Variants in UMAD1 observed in about 807,000 individuals in gnomAD.
UMAD1 encodes the protein UBAP1-MVB12-associated (UMA)-domain containing protein 1.
In UMAD1, 8 loss-of-function variants were observed where a neutral mutation model predicts 6.1. That is an observed-to-expected ratio of 1.30 (90% confidence interval 0.76 to 2.35). UMAD1 has a LOEUF of 2.35. Ranked by LOEUF, UMAD1 falls within the 30% of genes most tolerant of loss-of-function variation. UMAD1 has a pLI of 0.00. For missense variants in UMAD1, 130 were observed against 78.4 expected (o/e 1.66, Z -2.49); for synonymous variants, 56 against 31.4 (o/e 1.78, Z -2.61).
chr7:7,669,948 T>C (rs2057930), intron 1 of UMAD1, among the ~76,000 whole-genome samples: 85,693 of 151,932 alleles, frequency 0.56, 24,591 homozygotes, highest in East Asian at 0.8. Flanking sequence ...ATTTGGGATA[T>C]TATAATGTTC....
At chr7:7,721,412 G>T (rs776922478) in intron 2 of UMAD1, among the ~76,000 whole-genome samples, 1 of 152,114 alleles carries the variant, frequency 6.6e-6, no homozygotes, top group Non-Finnish European at 1.5e-5. Flanking sequence ...AAATGTTAAG[G>T]CACCTGCGTG....
intron 3 of UMAD1, among the ~76,000 whole-genome samples, chr7:7,872,197 T>A (rs1172735612): frequency 1.3e-5 from 2 of 152,256 alleles, no homozygotes; most frequent in African/African-American, 4.8e-5. Context: ...TCTACATCAC[T>A]GCAGTAAAGT....
At chr7:7,803,902 G>C (rs1416682604) in intron 3 of UMAD1, among the ~76,000 whole-genome samples, 1 of 152,136 alleles carries the variant, frequency 6.6e-6, no homozygotes, top group Non-Finnish European at 1.5e-5. Flanking sequence ...ACTTAGTTAT[G>C]TGATTCATTG....
At chr7:7,758,878 C>T (rs1220140144) in intron 2 of UMAD1, among the ~76,000 whole-genome samples, 2 of 152,180 alleles carry the variant, frequency 1.3e-5, no homozygotes, top group African/African-American at 4.8e-5. Flanking sequence ...AGAGACAATA[C>T]TGCCACACAA....
intron 3 of UMAD1, among the ~76,000 whole-genome samples, chr7:7,806,576 C>A (rs913081725): frequency 1.3e-5 from 2 of 152,126 alleles, no homozygotes; most frequent in Non-Finnish European, 2.9e-5. Flanking sequence ...TTATTAAATT[C>A]TGTTTTCTAC....
chr7:7,715,147 T>C (rs1780866430), intron 2 of UMAD1: 1 of 152,210 alleles, frequency 6.6e-6, no homozygotes, highest in South Asian at 2.1e-4. Flanking sequence ...ACCTTCAGCA[T>C]AGAAACAGTT....
chr7:7,678,599 A>ATTTATAGATAAATATATATTTATATAC (rs1779816746), intron 2 of UMAD1, among the ~76,000 whole-genome samples: 1 of 134,680 alleles, frequency 7.4e-6, no homozygotes, highest in Non-Finnish European at 1.5e-5. Flanking sequence ...TATATACTTA[A>ATTTATAGATAAATATATATTTATATAC]TTTATAGATA....
chr7:7,733,677 A>G (rs1781296990), intron 2 of UMAD1, among the ~76,000 whole-genome samples: 1 of 150,480 alleles, frequency 6.6e-6, no homozygotes, highest in East Asian at 1.9e-4. Flanking sequence ...ATATTCTCCC[A>G]AAATATTATT....
chr7:7,842,112 AT>A (rs965196535), intron 3 of UMAD1, among the ~76,000 whole-genome samples: 4 of 152,164 alleles, frequency 2.6e-5, no homozygotes, highest in Non-Finnish European at 5.9e-5. Context: ...TAAACCAATC[AT>A]TTTTGATACT....
At chr7:7,777,493 G>A (rs1380396292) in intron 2 of UMAD1, among the ~76,000 whole-genome samples, 2 of 128,002 alleles carry the variant, frequency 1.6e-5, no homozygotes, top group Non-Finnish European at 3.2e-5. Flanking sequence ...GAGACAGTGT[G>A]AGACTCCATC....
At chr7:7,662,470 C>G (rs1785499064) in intron 1 of UMAD1, among the ~76,000 whole-genome samples, 1 of 152,218 alleles carries the variant, frequency 6.6e-6, no homozygotes, top group South Asian at 2.1e-4. Context: ...ATCTCCTGGT[C>G]TGTGGGTTGC....
At chr7:7,673,792 C>T (rs1349888518) in intron 2 of UMAD1, among the ~76,000 whole-genome samples, 1 of 151,748 alleles carries the variant, frequency 6.6e-6, no homozygotes, top group South Asian at 2.1e-4. Context: ...ATAGTACTAA[C>T]CTTGTTTCAT....
At chr7:7,829,873 C>T (rs1036775290) in intron 3 of UMAD1, among the ~76,000 whole-genome samples, 2 of 152,092 alleles carry the variant, frequency 1.3e-5, no homozygotes, top group African/African-American at 2.4e-5. Context: ...CATCTCTTTC[C>T]TCACATTTAA....
intron 2 of UMAD1, among the ~76,000 whole-genome samples, chr7:7,758,442 G>T (rs182248862): frequency 6.5e-4 from 99 of 152,080 alleles, no homozygotes; most frequent in African/African-American, 2.3e-3. Context: ...TAATAATTAA[G>T]CTTTATAAAA....
intron 1 of UMAD1, among the ~76,000 whole-genome samples, chr7:7,650,198 C>T (rs1328185931): frequency 6.6e-6 from 1 of 152,166 alleles, no homozygotes; most frequent in African/African-American, 2.4e-5. Flanking sequence ...TGTAATCCCA[C>T]AATTTACGTT....
chr7:7,645,259 T>A (rs1172170120), intron 1 of UMAD1, among the ~76,000 whole-genome samples: 1 of 152,196 alleles, frequency 6.6e-6, no homozygotes, highest in Non-Finnish European at 1.5e-5. Context: ...CCATTTTGAA[T>A]AGAAATAGTG....
At chr7:7,774,590 G>C (rs140868769) in intron 2 of UMAD1, among the ~76,000 whole-genome samples, 278 of 152,108 alleles carry the variant, frequency 1.8e-3, no homozygotes, top group African/African-American at 6.5e-3. Context: ...CCTTTTTTTG[G>C]GAACTCTTGA....
intron 2 of UMAD1, among the ~76,000 whole-genome samples, chr7:7,706,166 G>A (rs1780593932): frequency 6.6e-6 from 1 of 152,150 alleles, no homozygotes; most frequent in Admixed American, 6.5e-5. Context: ...CTGATTTGGG[G>A]AAGAGAGAGT....
chr7:7,860,604 CAAAAAAAA>C (rs373823869), intron 3 of UMAD1, among the ~76,000 whole-genome samples: 7 of 93,862 alleles, frequency 7.5e-5, no homozygotes, highest in Admixed American at 1.3e-4. Flanking sequence ...ACTAAAAATA[CAAAAAAAA>C]AAAAAAAAAA....
Sources: gnomAD v4.1 joint callset for allele counts (sites outside exome capture counted in the v4.1 genomes callset) on GRCh38, gnomAD v4.1.1 for gene constraint, MANE v1.5 for transcripts, NCBI Gene and HGNC (gene_info 2026-07-23, HGNC 2026-07-21) for gene names.